ANKS1B: variants seen among roughly 807,000 people sequenced by gnomAD.
ANKS1B encodes the protein ankyrin repeat and sterile alpha motif domain-containing protein 1B.
ANKS1B carries 36 observed loss-of-function variants against 148.3 expected under a neutral mutation model. That is an observed-to-expected ratio of 0.24 (90% CI 0.19 to 0.32). The LOEUF is 0.32. Ranked by LOEUF, ANKS1B falls within the 10% of genes least tolerant of loss-of-function variation. The pLI is 1.00. For missense variants in ANKS1B, 1,157 were observed against 1,542.6 expected, an observed-to-expected ratio of 0.75 and a Z score of 4.19; for synonymous variants, 542 against 560.8, an observed-to-expected ratio of 0.97 and a Z score of 0.47.
chr12:99,259,146 C>A (rs2075647168), intron 12 of ANKS1B, among the ~76,000 whole-genome samples: 1 of 152,176 alleles, frequency 6.6e-6, no homozygotes, highest in Non-Finnish European at 1.5e-5. Flanking sequence ...CCTAGAACCT[C>A]CTATGGCATC....
chr12:99,124,980 T>C (rs76056897), intron 15 of ANKS1B, among the ~76,000 whole-genome samples: 2,518 of 152,042 alleles, frequency 0.017, 70 homozygotes, highest in African/African-American at 0.058. Context: ...AAAGAGAGAA[T>C]AGAGGTGAAG....
At chr12:98,869,284 G>T (rs1190670060) in intron 17 of ANKS1B, among the ~76,000 whole-genome samples, 1 of 152,176 alleles carries the variant, frequency 6.6e-6, no homozygotes, top group Non-Finnish European at 1.5e-5. Flanking sequence ...CCCAAGGCCT[G>T]GGATGAAGTT....
chr12:98,773,701 C>A (rs1175610797), intron 24 of ANKS1B, among the ~76,000 whole-genome samples: 1 of 152,178 alleles, frequency 6.6e-6, no homozygotes, highest in Non-Finnish European at 1.5e-5. Flanking sequence ...GGTGATCTGC[C>A]CACCTCGGCC....
rs1418973913 is a variant in ANKS1B at position 99,805,768 on chromosome 12, AT to A, written c.669+635del. Among the ~76,000 whole-genome samples, 1,455 of 146,904 alleles carry A rather than the reference AT, an allele frequency of 9.9e-3. 18 individuals are homozygous for A. Among genetic ancestry groups the A allele is most frequent in the African/African-American group, 0.028 (1,145 of 40,294 alleles). On this transcript the variant is annotated intron_variant, in intron 4 of 26. Coordinates refer to ENST00000683438, the MANE Select transcript of ANKS1B (RefSeq NM_001352186.2). ...GCTCACCTCAAATCACACCTTTTCC[AT>A]TTTTTTTTTTCTGAGTGTCCTTAGG...
At chr12:99,134,539 T>C (rs2067215477) in intron 15 of ANKS1B, among the ~76,000 whole-genome samples, 1 of 151,826 alleles carries the variant, frequency 6.6e-6, no homozygotes, top group Admixed American at 6.6e-5. Flanking sequence ...GGTCTGTGTA[T>C]TGAACAGCTG....
intron 12 of ANKS1B, among the ~76,000 whole-genome samples, chr12:99,369,692 T>C (rs1287845667): frequency 2.6e-5 from 4 of 151,912 alleles, no homozygotes; most frequent in Non-Finnish European, 5.9e-5. Flanking sequence ...TTTTCAAATT[T>C]TTCAGCAAGC....
chr12:98,806,072 A>G (rs1423071980), intron 20 of ANKS1B, among the ~76,000 whole-genome samples: 1 of 152,170 alleles, frequency 6.6e-6, no homozygotes, highest in Non-Finnish European at 1.5e-5. Context: ...GGGTTTCACC[A>G]TGTTGGCCAG....
At chr12:98,944,566 T>A (rs616804) in intron 17 of ANKS1B, among the ~76,000 whole-genome samples, 9 of 152,140 alleles carry the variant, frequency 5.9e-5, no homozygotes, top group African/African-American at 1.9e-4. Context: ...ATGTACACAC[T>A]ATTATATATG....
intron 12 of ANKS1B, among the ~76,000 whole-genome samples, chr12:99,274,994 A>G (rs1816335518): frequency 6.6e-6 from 1 of 152,196 alleles, no homozygotes. Flanking sequence ...ACCAGGCAAA[A>G]TCTACATTGC....
At chr12:98,904,309 G>T (rs1234109899) in intron 17 of ANKS1B, among the ~76,000 whole-genome samples, 3 of 152,086 alleles carry the variant, frequency 2.0e-5, no homozygotes, top group Admixed American at 1.3e-4. Flanking sequence ...AAATAGACAG[G>T]TGTTGAAAAG....
chr12:99,242,284 C>T (rs934289575), intron 14 of ANKS1B, among the ~76,000 whole-genome samples: 3 of 152,112 alleles, frequency 2.0e-5, no homozygotes, highest in Admixed American at 6.5e-5. Flanking sequence ...GAGTGAACTC[C>T]CATTCACAAT....
chr12:99,932,465 T>C (rs1436586230), intron 1 of ANKS1B, among the ~76,000 whole-genome samples: 1 of 152,182 alleles, frequency 6.6e-6, no homozygotes, highest in Non-Finnish European at 1.5e-5. Flanking sequence ...AGGTAAGCCA[T>C]TGTAACTGGG....
chr12:99,357,574 T>G (rs981281859), intron 12 of ANKS1B, among the ~76,000 whole-genome samples: 1 of 152,152 alleles, frequency 6.6e-6, no homozygotes, highest in Non-Finnish European at 1.5e-5. Context: ...ATAAGCTATT[T>G]AAGTATTAGT....
chr12:99,114,613 G>A (rs540204445), intron 15 of ANKS1B, among the ~76,000 whole-genome samples: 5 of 152,016 alleles, frequency 3.3e-5, no homozygotes, highest in African/African-American at 7.2e-5. Context: ...TTAGCTGGGC[G>A]TGGTGGCATG....
At chr12:99,591,408 T>C (rs1179617610) in intron 9 of ANKS1B, among the ~76,000 whole-genome samples, 1 of 152,104 alleles carries the variant, frequency 6.6e-6, no homozygotes, top group Non-Finnish European at 1.5e-5. Context: ...TTTTCAGACT[T>C]ATAACAAGTG....
chr12:99,937,796 G>C (rs2094817658), intron 1 of ANKS1B, among the ~76,000 whole-genome samples: 1 of 152,094 alleles, frequency 6.6e-6, no homozygotes, highest in Non-Finnish European at 1.5e-5. Context: ...AAGCCTGCAA[G>C]TACCAACTGA....
At chr12:99,910,997 T>C (rs922184736) in intron 1 of ANKS1B, among the ~76,000 whole-genome samples, 4 of 152,186 alleles carry the variant, frequency 2.6e-5, no homozygotes, top group African/African-American at 9.7e-5. Flanking sequence ...CCTTACAAAG[T>C]CACCAAATAA....
intron 10 of ANKS1B, among the ~76,000 whole-genome samples, chr12:99,499,018 A>T (rs952371294): frequency 1.3e-5 from 2 of 152,202 alleles, no homozygotes; most frequent in African/African-American, 4.8e-5. Context: ...GGGTTAATGG[A>T]ATCAACAGAG....
intron 8 of ANKS1B, among the ~76,000 whole-genome samples, chr12:99,690,233 T>A (rs1358136308): frequency 6.6e-6 from 1 of 152,066 alleles, no homozygotes; most frequent in Non-Finnish European, 1.5e-5. Context: ...CTCATGGGGA[T>A]TATGGGGATT....
Sources: allele counts gnomAD v4.1 joint callset (sites outside exome capture counted in the v4.1 genomes callset), GRCh38; gene constraint gnomAD v4.1.1; transcripts MANE v1.5; gene names NCBI Gene and HGNC (gene_info 2026-07-23, HGNC 2026-07-21).